The following CCDC15 variants were observed in gnomAD, a reference collection of about 807,000 sequenced individuals.
CCDC15 encodes coiled-coil domain-containing protein 15.
Under a neutral mutation model 114.5 loss-of-function variants are expected in CCDC15, and 105 were observed. That is an observed-to-expected ratio of 0.92 (90% confidence interval 0.78 to 1.08). The LOEUF is 1.08. Among genes scored for constraint, CCDC15 ranks in the 50% least tolerant of loss-of-function variants. The probability of loss-of-function intolerance (pLI) is 0.00; values close to 1 mark genes in which losing one functional copy is unlikely to be tolerated. For missense variants in CCDC15, 1,105 were observed against 1,093.6 expected (o/e 1.01, Z -0.15); for synonymous variants, 334 against 377.8 (o/e 0.88, Z 1.34).
intron 13 of CCDC15, among the ~76,000 whole-genome samples, chr11:125,010,305 A>G (rs1449038686): frequency 6.7e-6 from 1 of 150,072 alleles, no homozygotes; most frequent in Non-Finnish European, 1.5e-5. Context: ...GGCCACTTGT[A>G]TGTCTTCTTT....
intron 13 of CCDC15, among the ~76,000 whole-genome samples, chr11:125,010,404 G>GTTTTTTTTTTTTTTTTTTTT: frequency 6.7e-6 from 1 of 148,718 alleles, no homozygotes. Context: ...TTAAGATGGA[G>GTTTTTTTTTTTTTTTTTTTT]TCTCACTCTG....
chr11:125,006,674 C>A (rs1328105146), intron 13 of CCDC15, among the ~76,000 whole-genome samples: 1 of 152,118 alleles, frequency 6.6e-6, no homozygotes, highest in African/African-American at 2.4e-5. Context: ...TCTCTATGAT[C>A]CACTTTGTTA....
At chr11:125,004,970 A>G in intron 12 of CCDC15, 139 bp from the exon 13 acceptor site, 2 of 485,554 alleles carry the variant, frequency 4.1e-6, no homozygotes, top group Non-Finnish European at 3.7e-6. Flanking sequence ...GAAGGAAATT[A>G]AAGACTTAAT....
rs1591592068 is a variant in CCDC15 at position 124,987,700 on chromosome 11, GA to G, written c.1475del (p.Asp492ValfsTer156). On this transcript the variant is annotated frameshift_variant, in exon 8 of 16. Coordinates refer to ENST00000344762, the MANE Select transcript of CCDC15 (RefSeq NM_025004.3). LOFTEE classifies it high-confidence loss of function. ...CCAGCATGTTCTCCCCAAAGACCAA[GA>G]TATTCTGCCAAAATATCAGGACCAG... is the stretch of plus-strand genomic sequence containing the variant. Reference protein sequence around the residue: ...RDQHVLPKDQDILPKYQDQNF... With the variant: ...RDQHVLPKDQXILPKYQDQNF... 8 of 1,607,770 alleles carry G rather than the reference GA, an allele frequency of 5.0e-6. No individual in the cohort carries two copies. Among genetic ancestry groups the G allele is most frequent in the Non-Finnish European group, 6.8e-6 (8 of 1,177,738 alleles).
intron 13 of CCDC15, among the ~76,000 whole-genome samples, chr11:125,008,598 A>G (rs1420118158): frequency 6.6e-6 from 1 of 152,190 alleles, no homozygotes; most frequent in African/African-American, 2.4e-5. Flanking sequence ...CTAGCAGGTA[A>G]ACTTACAGTT....
At chr11:125,017,465 A>G (rs892320707) in intron 13 of CCDC15, among the ~76,000 whole-genome samples, 2 of 152,092 alleles carry the variant, frequency 1.3e-5, no homozygotes, top group East Asian at 3.8e-4. Flanking sequence ...TAGCATTGTA[A>G]TGCATTCCTC....
At chr11:125,015,327 G>A (rs766555888) in intron 13 of CCDC15, among the ~76,000 whole-genome samples, 37 of 152,074 alleles carry the variant, frequency 2.4e-4, no homozygotes, top group Non-Finnish European at 4.4e-4. Flanking sequence ...ATTTTGTTTT[G>A]CCAAGGATAT....
chr11:125,034,309 G>A (rs1433312150), intron 13 of CCDC15, among the ~76,000 whole-genome samples: 3 of 152,190 alleles, frequency 2.0e-5, no homozygotes, highest in African/African-American at 7.2e-5. Context: ...CCAGTTGCAA[G>A]GTCCCATTCT....
At chr11:125,013,010 G>A (rs1181853634) in intron 13 of CCDC15, among the ~76,000 whole-genome samples, 2 of 152,106 alleles carry the variant, frequency 1.3e-5, no homozygotes, top group African/African-American at 4.8e-5. Flanking sequence ...TTTGTTGATA[G>A]CATTAAGTGG....
chr11:124,995,280 T>C (rs906938824), intron 11 of CCDC15, among the ~76,000 whole-genome samples: 8 of 152,198 alleles, frequency 5.3e-5, no homozygotes, highest in African/African-American at 1.7e-4. Context: ...TTATCAAAAA[T>C]AGATCTCCTT....
rs1591585335 is a variant in CCDC15 at position 124,981,275 on chromosome 11, A to G, written c.753+3675A>G. Among the ~76,000 whole-genome samples, 4 of 152,184 alleles carry G rather than the reference A, an allele frequency of 2.6e-5. No individual in the cohort carries two copies. The South Asian group carries it at 8.3e-4, about 32-fold the overall frequency. On this transcript the variant is annotated intron_variant, in intron 6 of 15. Coordinates refer to ENST00000344762, the MANE Select transcript of CCDC15 (RefSeq NM_025004.3). ...AACTTTGGGGTGGAGAGTTTTGTAG[A>G]TATCTATAAGGTCCATTTAGTCAAG...
chr11:125,002,906 G>A (rs1017428286), intron 11 of CCDC15, among the ~76,000 whole-genome samples: 19 of 152,022 alleles, frequency 1.2e-4, no homozygotes, highest in Non-Finnish European at 2.7e-4. Flanking sequence ...AAGAATTTTA[G>A]GATCATCTTA....
At chr11:124,964,186 G>T (rs530860525) in intron 4 of CCDC15, among the ~76,000 whole-genome samples, 2 of 152,088 alleles carry the variant, frequency 1.3e-5, no homozygotes, top group South Asian at 2.1e-4. Context: ...AAGAAAGTCA[G>T]TGGTAGCTTG....
chr11:125,008,297 T>G, intron 13 of CCDC15, among the ~76,000 whole-genome samples: 1 of 152,224 alleles, frequency 6.6e-6, no homozygotes, highest in Non-Finnish European at 1.5e-5. Flanking sequence ...ATATAAATGG[T>G]ATTGTGCATT....
At chr11:124,993,581 G>A (rs537566188) in intron 11 of CCDC15, among the ~76,000 whole-genome samples, 32 of 152,192 alleles carry the variant, frequency 2.1e-4, no homozygotes, top group African/African-American at 6.7e-4. Context: ...TAGGCCTCAC[G>A]TGATATGAGA....
chr11:124,959,616 G>C (rs1232820054), intron 3 of CCDC15, among the ~76,000 whole-genome samples, 199 bp from the exon 4 acceptor site: 1 of 152,076 alleles, frequency 6.6e-6, no homozygotes, highest in Admixed American at 6.6e-5. Flanking sequence ...TCTCTCATAG[G>C]ATTGTGTGAG....
At chr11:124,964,412 G>A (rs1947730416) in intron 4 of CCDC15, among the ~76,000 whole-genome samples, 1 of 152,132 alleles carries the variant, frequency 6.6e-6, no homozygotes, top group Admixed American at 6.5e-5. Context: ...AAGCAGTTGT[G>A]AATGGGAGTT....
intron 13 of CCDC15, among the ~76,000 whole-genome samples, chr11:125,029,766 C>T (rs186914963): frequency 2.0e-5 from 3 of 152,222 alleles, no homozygotes; most frequent in East Asian, 3.9e-4. Context: ...CCTGAAGGGG[C>T]TGGGTCATTT....
chr11:125,007,306 C>A (rs745781868), intron 13 of CCDC15, among the ~76,000 whole-genome samples: 4 of 152,174 alleles, frequency 2.6e-5, no homozygotes, highest in Non-Finnish European at 5.9e-5. Context: ...TTTTTTAGCT[C>A]CCACATGTGA....
Sources: gnomAD v4.1 joint callset for allele counts (sites outside exome capture counted in the v4.1 genomes callset) on GRCh38, gnomAD v4.1.1 for gene constraint, MANE v1.5 for transcripts, NCBI Gene and HGNC (gene_info 2026-07-23, HGNC 2026-07-21) for gene names.